TENM4: variants seen among roughly 807,000 people sequenced by gnomAD.
TENM4 encodes teneurin transmembrane protein 4.
Under a neutral mutation model 243.3 loss-of-function variants are expected in TENM4, and 82 were observed. That is an observed-to-expected ratio of 0.34 (90% CI 0.28 to 0.40). The LOEUF (loss-of-function observed/expected upper bound fraction) is 0.40. Ranked by LOEUF, TENM4 falls within the 10% of genes least tolerant of loss-of-function variation. TENM4 has a pLI of 1.00. For missense variants in TENM4, 3,138 were observed against 3,673.3 expected, an observed-to-expected ratio of 0.85 and a Z score of 3.77; for synonymous variants, 1,412 against 1,456.3, an observed-to-expected ratio of 0.97 and a Z score of 0.69.
At chr11:79,171,226 A>G (rs760337699) in intron 3 of TENM4, among the ~76,000 whole-genome samples, 26 of 152,174 alleles carry the variant, frequency 1.7e-4, no homozygotes, top group Admixed American at 9.8e-4. Context: ...GGTATCTACA[A>G]ATGTCCTTCT....
chr11:79,085,846 A>G (rs970429676), intron 4 of TENM4, among the ~76,000 whole-genome samples: 1 of 152,202 alleles, frequency 6.6e-6, no homozygotes, highest in African/African-American at 2.4e-5. Context: ...GTTTTGGCCA[A>G]TTGCTTGCCA....
intron 1 of TENM4, among the ~76,000 whole-genome samples, chr11:79,332,650 G>A (rs1417378475): frequency 6.6e-6 from 1 of 152,174 alleles, no homozygotes; most frequent in African/African-American, 2.4e-5. Flanking sequence ...GATATCCAAT[G>A]TTGTTGTTCC....
At chr11:79,166,060 G>C (rs1004342263) in intron 3 of TENM4, among the ~76,000 whole-genome samples, 1 of 152,122 alleles carries the variant, frequency 6.6e-6, no homozygotes, top group Non-Finnish European at 1.5e-5. Flanking sequence ...TGAATAGGGA[G>C]TGTCCTTAAG....
intron 20 of TENM4, among the ~76,000 whole-genome samples, chr11:78,732,922 G>T (rs192712400): frequency 7.6e-4 from 116 of 152,318 alleles, no homozygotes; most frequent in Non-Finnish European, 1.3e-3. Context: ...AAAAGTCAGT[G>T]AATAAAGTAG....
At chr11:78,688,011 C>T in intron 29 of TENM4, 43 bp downstream of exon 29, 2 of 1,601,306 alleles carry the variant, frequency 1.2e-6, no homozygotes, top group Non-Finnish European at 8.5e-7. Context: ...AGGGGTCTTC[C>T]CACCCCTCTG....
chr11:79,232,009 G>C (rs1417031227), intron 2 of TENM4, among the ~76,000 whole-genome samples: 1 of 152,222 alleles, frequency 6.6e-6, no homozygotes, highest in Non-Finnish European at 1.5e-5. Flanking sequence ...GAACCCAGGA[G>C]GTGGAGATTG....
chr11:79,238,191 C>G (rs186776175), intron 2 of TENM4, among the ~76,000 whole-genome samples: 17 of 152,288 alleles, frequency 1.1e-4, no homozygotes, highest in Admixed American at 1.0e-3. Flanking sequence ...GGAAGCCCTT[C>G]CTTGACTTGT....
intron 12 of TENM4, among the ~76,000 whole-genome samples, chr11:78,840,910 C>G (rs568563611): frequency 1.3e-5 from 2 of 152,128 alleles, no homozygotes; most frequent in Admixed American, 6.5e-5. Flanking sequence ...TTTCTCGGAA[C>G]CTTGTTTCAT....
At chr11:79,277,961 G>T (rs533074976) in intron 2 of TENM4, among the ~76,000 whole-genome samples, 4 of 152,288 alleles carry the variant, frequency 2.6e-5, no homozygotes, top group East Asian at 1.9e-4. Flanking sequence ...TTCCTGCTGA[G>T]AACTCACTGT....
chr11:78,713,148 C>T (rs1474300405), intron 25 of TENM4, among the ~76,000 whole-genome samples: 1 of 152,160 alleles, frequency 6.6e-6, no homozygotes, highest in Admixed American at 6.5e-5. Flanking sequence ...AACACAAGCC[C>T]TTTTCCACAG....
chr11:79,422,520 C>G (rs1283590342), intron 1 of TENM4, among the ~76,000 whole-genome samples: 1 of 151,892 alleles, frequency 6.6e-6, no homozygotes, highest in Non-Finnish European at 1.5e-5. Flanking sequence ...TGTCATTCCC[C>G]AAAAAAAGCA....
chr11:78,791,913 G>T (rs938503106), intron 15 of TENM4, among the ~76,000 whole-genome samples: 2 of 152,100 alleles, frequency 1.3e-5, no homozygotes, highest in African/African-American at 4.8e-5. Context: ...GGAGGGCTGG[G>T]GTCTGGGAGG....
At chr11:79,050,987 G>T (rs1859777253) in intron 6 of TENM4, among the ~76,000 whole-genome samples, 1 of 152,336 alleles carries the variant, frequency 6.6e-6, no homozygotes, top group South Asian at 2.1e-4. Context: ...GTGCATGCGT[G>T]TGGAGTCAGA....
intron 4 of TENM4, among the ~76,000 whole-genome samples, chr11:79,130,476 G>GA (rs55946704): frequency 0.7 from 105,102 of 149,610 alleles, 38,115 homozygotes; most frequent in Non-Finnish European, 0.77. Flanking sequence ...CAATGCAAAG[G>GA]AAAAAAAAAA....
At chr11:78,861,977 TGCCACTCTTGGCTGACAATGTCCATG>T (rs1858831976) in intron 10 of TENM4, among the ~76,000 whole-genome samples, 1 of 152,212 alleles carries the variant, frequency 6.6e-6, no homozygotes, top group African/African-American at 2.4e-5. Flanking sequence ...TGTGAGTCTG[TGCCACTCTTGGCTGACAATGTCCATG>T]GCATGTTAGA....
intron 4 of TENM4, among the ~76,000 whole-genome samples, chr11:79,123,599 C>CCTTTTTTTT (rs1555012889): frequency 7.0e-6 from 1 of 143,750 alleles, no homozygotes; most frequent in African/African-American, 2.5e-5. Context: ...GCAGTAGCCC[C>CCTTTTTTTT]TTTTTTTTTT....
chr11:79,008,100 C>A, intron 6 of TENM4, among the ~76,000 whole-genome samples: 1 of 152,140 alleles, frequency 6.6e-6, no homozygotes, highest in East Asian at 1.9e-4. Flanking sequence ...GTTGGAAGCG[C>A]CAAGCTGGAA....
At chr11:79,400,644 C>T (rs1269644487) in intron 1 of TENM4, among the ~76,000 whole-genome samples, 2 of 152,200 alleles carry the variant, frequency 1.3e-5, no homozygotes, top group Non-Finnish European at 2.9e-5. Flanking sequence ...AGTTTCCTTG[C>T]TTACAAAATG....
intron 1 of TENM4, among the ~76,000 whole-genome samples, chr11:79,403,911 C>T (rs896393662): frequency 2.0e-5 from 3 of 152,220 alleles, no homozygotes; most frequent in Non-Finnish European, 2.9e-5. Context: ...AACTGAGGCT[C>T]ATCATGTGTA....
Sources: gnomAD v4.1 joint callset for allele counts (sites outside exome capture counted in the v4.1 genomes callset) on GRCh38, gnomAD v4.1.1 for gene constraint, MANE v1.5 for transcripts, NCBI Gene and HGNC (gene_info 2026-07-23, HGNC 2026-07-21) for gene names.